The following HNRNPA2B1 variants were observed in gnomAD, a reference collection of about 807,000 sequenced individuals.
The protein encoded by HNRNPA2B1 is heterogeneous nuclear ribonucleoprotein A2/B1.
HNRNPA2B1 carries 3 observed loss-of-function variants against 46.3 expected under a neutral mutation model. The observed-to-expected ratio is 0.06, with a 90% CI of 0.03 to 0.17. The LOEUF (loss-of-function observed/expected upper bound fraction) is 0.17. Among genes scored for constraint, HNRNPA2B1 ranks in the 10% least tolerant of loss-of-function variants. The probability of loss-of-function intolerance (pLI) is 1.00; values close to 1 mark genes in which losing one functional copy is unlikely to be tolerated. For missense variants in HNRNPA2B1, 221 were observed against 418.9 expected (o/e 0.53, Z 4.12); for synonymous variants, 225 against 133.8 (o/e 1.68, Z -4.70).
intron 7 of HNRNPA2B1, 88 bp downstream of exon 7, chr7:26,195,759 T>A: frequency 1.4e-6 from 2 of 1,439,350 alleles, no homozygotes; most frequent in Non-Finnish European, 9.4e-7. Flanking sequence ...TATAAAATGT[T>A]TAAAAACTCA....
At chr7:26,193,517 G>A (rs1357381939) in intron 8 of HNRNPA2B1, 58 bp downstream of exon 8, 9 of 1,553,804 alleles carry the variant, frequency 5.8e-6, no homozygotes, top group Admixed American at 2.2e-5. Flanking sequence ...AAAAGATCAA[G>A]TGTTACAAAG....
rs1471699946 is a variant in HNRNPA2B1 at position 26,191,632 on chromosome 7, G to A, written c.*728C>T. Reference sequence around the variant, plus strand: ...GGTTATTTCCTTTCCTTGCATTGAAGAAGCAGCATCTAAAAGATCTAAAAA... The same window carrying A: ...GGTTATTTCCTTTCCTTGCATTGAAAAAGCAGCATCTAAAAGATCTAAAAA... On this transcript the variant is annotated 3_prime_UTR_variant, in exon 11 of 11. Transcript: ENST00000618183. 6.6e-6 allele frequency: 1 copy of A among 152,166 alleles called. No individual in the cohort carries two copies. Among genetic ancestry groups the A allele is most frequent in the Non-Finnish European group, 1.5e-5 (1 of 68,024 alleles). The allele number at this position is 152,166 out of a possible 1,614,324, so 9.4% of individuals were successfully genotyped here.
rs754135006 is a variant in HNRNPA2B1 at position 26,196,518 on chromosome 7, A to G, written c.578-37T>C. On this transcript the variant is annotated intron_variant, in intron 5 of 10. Coordinates refer to ENST00000618183, the MANE Select transcript of HNRNPA2B1 (RefSeq NM_002137.4). ...GCCCCAGTTAGAAGCAAGCCCTTATATATGAACAAAAATAAAGAAGAAACA... is the reference window on the plus strand; with the variant it reads ...GCCCCAGTTAGAAGCAAGCCCTTATGTATGAACAAAAATAAAGAAGAAACA... 9.3e-6 allele frequency: 15 copies of G among 1,612,744 alleles called. No individual in the cohort carries two copies. In the Admixed American group the frequency reaches 1.0e-4, roughly 11 times the overall value.
At position 26,200,614 on chromosome 7, in the gene HNRNPA2B1, CGAGCGAGAT is replaced by C. The variant is rs1784325961; in HGVS notation, c.-46_-38del. 6.2e-7 allele frequency: 1 copy of C among 1,613,334 alleles called. No homozygotes were observed. The highest frequency in any genetic ancestry group is 1.1e-5 in the South Asian group (1 of 91,090). On this transcript the variant is annotated 5_prime_UTR_variant, in exon 1 of 11. Coordinates refer to ENST00000618183, the MANE Select transcript of HNRNPA2B1 (RefSeq NM_002137.4). ...TCGCTTCAGCCCGATTTCCCGCAGC[CGAGCGAGAT>C]GAGAGAGATCTCCGCGGACGAACAC... is the stretch of plus-strand genomic sequence containing the variant.
intron 1 of HNRNPA2B1, chr7:26,198,067 A>G (rs1378768338): frequency 9.8e-6 from 4 of 409,810 alleles, no homozygotes; most frequent in Non-Finnish European, 1.7e-5. Context: ...ACAAATGTAG[A>G]CCGTGATTAT....
rs1428279521 is a variant in HNRNPA2B1 at position 26,191,206 on chromosome 7, A to AG, written c.*1153dup. ...TGGAGGGGGAGGGGGTGGGAAAAGA[A>AG]GGAAAAAAAGGGAAAAACAACCAAA... On this transcript the variant is annotated 3_prime_UTR_variant, in exon 11 of 11. Transcript: ENST00000618183. The AG allele has an allele frequency of 1.3e-5, 2 of 152,486 alleles. No individual in the cohort carries two copies. Among genetic ancestry groups the AG allele is most frequent in the African/African-American group, 4.8e-5 (2 of 41,440 alleles). 9.4% of individuals were successfully genotyped at this position (152,486 alleles called of 1,614,324 possible).
At position 26,197,447 on chromosome 7, in the gene HNRNPA2B1, A is replaced by G. The variant is rs1382835478; in HGVS notation, c.132T>C (p.Pro44=). The part of the protein sequence containing the change: ...KLTDCVVMRD[P]ASKRSRGFGF... Reference sequence around the variant, plus strand: ...CAAATCCTCTTGATCTTTTGCTTGCAGGATCCCTCATTACCTTTCAAACCA... The same window carrying G: ...CAAATCCTCTTGATCTTTTGCTTGCGGGATCCCTCATTACCTTTCAAACCA... Residue 44 remains proline (P), a synonymous_variant, in exon 3 of 11, where the codon CCT becomes CCC. Transcript: ENST00000618183. 2.5e-6 allele frequency: 4 copies of G among 1,614,030 alleles called. No homozygotes were observed. Among genetic ancestry groups the G allele is most frequent in the Non-Finnish European group, 3.4e-6 (4 of 1,179,950 alleles).
chr7:26,200,582 G>T lies in HNRNPA2B1; in HGVS notation c.-5C>A, dbSNP rs375914282. ...TTTCAAACCCGTTACCTCCATCGCG[G>T]ACTCAGTCGCTTCAGCCCGATTTCC... is the stretch of plus-strand genomic sequence containing the variant. On this transcript the variant is annotated 5_prime_UTR_variant, in exon 1 of 11. Coordinates refer to ENST00000618183, the MANE Select transcript of HNRNPA2B1 (RefSeq NM_002137.4). 3.7e-6 allele frequency: 6 copies of T among 1,613,352 alleles called. No individual in the cohort carries two copies. In the South Asian group the frequency reaches 4.4e-5, roughly 12 times the overall value.
At chr7:26,198,169 G>C (rs1275461388) in intron 1 of HNRNPA2B1, 4 of 255,010 alleles carry the variant, frequency 1.6e-5, no homozygotes, top group Non-Finnish European at 2.9e-5. Flanking sequence ...AATAACTCTT[G>C]GTTCATTACT....
rs1395583762 is a variant in HNRNPA2B1 at position 26,193,633 on chromosome 7, T to C, written c.783A>G (p.Gly261=). The C allele has an allele frequency of 1.2e-6, 2 of 1,611,834 alleles. No individual in the cohort carries two copies. Among genetic ancestry groups the C allele is most frequent in the Non-Finnish European group, 1.7e-6 (2 of 1,179,064 alleles). Residue 261 remains glycine, a synonymous_variant, in exon 8 of 11, where the codon GGA becomes GGG. Transcript: ENST00000618183. ...CCCCACCCTGGTTGCCATATCCAGG[T>C]CCTCCACCACCATATCCTCCTCTTC... The part of the protein sequence containing the change: ...GGGRGGYGGG[G]PGYGNQGGGY...
At chr7:26,193,514 C>G (rs1444992289) in intron 8 of HNRNPA2B1, 61 bp downstream of exon 8, 3 of 1,551,442 alleles carry the variant, frequency 1.9e-6, no homozygotes, top group African/African-American at 2.8e-5. Context: ...AACAAAAGAT[C>G]AAGTGTTACA....
In HNRNPA2B1 at chr7:26,192,512, A is replaced by C. The variant is rs200301894; in HGVS notation, c.*4T>G. On this transcript the variant is annotated 3_prime_UTR_variant, in exon 10 of 11. Coordinates refer to ENST00000618183, the MANE Select transcript of HNRNPA2B1 (RefSeq NM_002137.4). ...CTACTTACCCATGGCAAATAGGAAG[A>C]AGCTCAGTATCGGCTCCTCCCACCA... is the stretch of plus-strand genomic sequence containing the variant. The C allele has an allele frequency of 6.4e-4, 1,033 of 1,610,708 alleles. 9 individuals are homozygous for C. The South Asian group carries it at 8.7e-3, about 14-fold the overall frequency.
intron 7 of HNRNPA2B1, among the ~76,000 whole-genome samples, chr7:26,195,373 A>T (rs2128117386): frequency 6.6e-6 from 1 of 152,316 alleles, no homozygotes; most frequent in East Asian, 1.9e-4. Context: ...GTTTAATGGT[A>T]GTTCACAACC....
Position 26,198,017 on chromosome 7 carries a change from AAATT to A in HNRNPA2B1, c.7-289_7-286del, listed in dbSNP as rs71953553. 14,627 of 446,198 alleles carry A rather than the reference AAATT, an allele frequency of 0.033. 293 individuals carry two copies. Among genetic ancestry groups the A allele is most frequent in the Middle Eastern group, 0.059 (104 of 1,748 alleles). 27.6% of individuals were successfully genotyped at this position (446,198 alleles called of 1,614,324 possible). ...AATTTACTCAACATTAAATTATCTTAAATTATTAATTAAAAAAAAAACTTTCTAA... is the reference window on the plus strand; with the variant it reads ...AATTTACTCAACATTAAATTATCTTAATTAATTAAAAAAAAAACTTTCTAA... On this transcript the variant is annotated intron_variant, in intron 1 of 10. Transcript: ENST00000618183.
chr7:26,200,643 G>A lies in HNRNPA2B1; in HGVS notation c.-66C>T. 3 of 1,608,606 alleles carry A rather than the reference G, an allele frequency of 1.9e-6. No individual in the cohort carries two copies. The highest frequency in any genetic ancestry group is 2.5e-6 in the Non-Finnish European group (3 of 1,176,502). On this transcript the variant is annotated 5_prime_UTR_variant, in exon 1 of 11. Coordinates refer to ENST00000618183, the MANE Select transcript of HNRNPA2B1 (RefSeq NM_002137.4). ...CGAGATGAGAGAGATCTCCGCGGACGAACACGAACCGGACTCGTCCTGGCG... is the reference window on the plus strand; with the variant it reads ...CGAGATGAGAGAGATCTCCGCGGACAAACACGAACCGGACTCGTCCTGGCG...
rs531627066 is a variant in HNRNPA2B1, at chr7:26,197,126, A to C, written c.265-109T>G. 394 of 1,104,060 alleles carry C rather than the reference A, an allele frequency of 3.6e-4. 2 individuals are homozygous for C. The highest frequency in any genetic ancestry group is 1.8e-3 in the African/African-American group (113 of 63,640). 68.4% of individuals were successfully genotyped at this position (1,104,060 alleles called of 1,614,324 possible). A position where few individuals can be genotyped will look rare whatever the true frequency, so the allele number is the denominator to read the frequency against. ...CGCTTGTATCCACCTTAAAACTACC[A>C]GATATAAAATAGCTTTTAGGGACCT... On this transcript the variant is annotated intron_variant, in intron 3 of 10. Coordinates refer to ENST00000618183, the MANE Select transcript of HNRNPA2B1 (RefSeq NM_002137.4).
intron 1 of HNRNPA2B1, chr7:26,199,093 C>T (rs1784037829): frequency 6.6e-6 from 1 of 152,480 alleles, no homozygotes; most frequent in Admixed American, 6.5e-5. Flanking sequence ...TAATTGTCGT[C>T]AGCACATAGG....
rs1165434990 is a variant in HNRNPA2B1, at chr7:26,190,062, T to C, written c.*2298A>G. 1 of 152,646 alleles carries C rather than the reference T, an allele frequency of 6.6e-6. No homozygotes were observed. Among genetic ancestry groups the C allele is most frequent in the Non-Finnish European group, 1.5e-5 (1 of 68,032 alleles). The allele number at this position is 152,646 out of a possible 1,614,324, so 9.5% of individuals were successfully genotyped here. ...AAAAATTTAGGGGATGGTGATCTTT[T>C]AGACAACCAAATATTTATAGAACAA... On this transcript the variant is annotated 3_prime_UTR_variant, in exon 11 of 11. Coordinates refer to ENST00000618183, the MANE Select transcript of HNRNPA2B1 (RefSeq NM_002137.4).
chr7:26,193,160 A>T (rs1583967864), intron 9 of HNRNPA2B1, 91 bp downstream of exon 9: 2 of 1,309,890 alleles, frequency 1.5e-6, no homozygotes, highest in East Asian at 2.3e-5. Context: ...CCCACAGTAC[A>T]AACTACTTAG....
Sources: allele counts gnomAD v4.1 joint callset (sites outside exome capture counted in the v4.1 genomes callset), GRCh38; gene constraint gnomAD v4.1.1; transcripts MANE v1.5; gene names NCBI Gene and HGNC (gene_info 2026-07-23, HGNC 2026-07-21).